GNA14: variants seen among roughly 807,000 people sequenced by gnomAD.
GNA14 encodes guanine nucleotide-binding protein subunit alpha-14.
In GNA14, 50 loss-of-function variants were observed where a neutral mutation model predicts 42.0. The ratio of observed to expected loss-of-function variants is 1.19; its 90% CI spans 0.95 to 1.51. The LOEUF (loss-of-function observed/expected upper bound fraction) is 1.51. Ranked by LOEUF, GNA14 falls within the 40% of genes most tolerant of loss-of-function variation. GNA14 has a pLI of 0.00. For synonymous variants in GNA14, 173 were observed against 163.1 expected, an observed-to-expected ratio of 1.06 and a Z score of -0.46; for missense variants, 473 against 446.2, an observed-to-expected ratio of 1.06 and a Z score of -0.54.
At chr9:77,616,494 C>T (rs1823819742) in intron 1 of GNA14, among the ~76,000 whole-genome samples, 1 of 152,148 alleles carries the variant, frequency 6.6e-6, no homozygotes, top group South Asian at 2.1e-4. Flanking sequence ...GCTCTGATGG[C>T]TAAGTCAGCA....
At chr9:77,521,697 A>T (rs879425930) in intron 2 of GNA14, among the ~76,000 whole-genome samples, 1 of 152,206 alleles carries the variant, frequency 6.6e-6, no homozygotes, top group African/African-American at 2.4e-5. Flanking sequence ...TTGCTTAAAT[A>T]TGAAGTTAGA....
At chr9:77,529,301 A>C (rs1262352644) in intron 1 of GNA14, 48 bp from the exon 2 acceptor site, 1 of 1,438,350 alleles carries the variant, frequency 7.0e-7, no homozygotes, top group Admixed American at 1.7e-5. Context: ...CTTCCAAAGG[A>C]ACACACGAAG....
At chr9:77,537,372 A>G (rs1049215457) in intron 1 of GNA14, among the ~76,000 whole-genome samples, 10 of 151,910 alleles carry the variant, frequency 6.6e-5, no homozygotes, top group African/African-American at 2.4e-4. Flanking sequence ...TAACATAATG[A>G]CCTCCATTTA....
At chr9:77,480,959 C>A (rs1587789030) in intron 2 of GNA14, among the ~76,000 whole-genome samples, 1 of 152,068 alleles carries the variant, frequency 6.6e-6, no homozygotes, top group Admixed American at 6.5e-5. Context: ...ATTAGTCTTG[C>A]TAGTGGTCTA....
At chr9:77,637,948 C>G (rs564472375) in intron 1 of GNA14, among the ~76,000 whole-genome samples, 1 of 152,136 alleles carries the variant, frequency 6.6e-6, no homozygotes, top group African/African-American at 2.4e-5. Context: ...AAAGTTTATT[C>G]TGAAAAAATA....
intron 2 of GNA14, among the ~76,000 whole-genome samples, chr9:77,435,208 T>G (rs905420742): frequency 4.6e-5 from 7 of 151,822 alleles, no homozygotes; most frequent in African/African-American, 1.7e-4. Flanking sequence ...AACACAAAAA[T>G]TAGCTGGGCA....
At chr9:77,567,573 T>C (rs1822986163) in intron 1 of GNA14, among the ~76,000 whole-genome samples, 1 of 152,014 alleles carries the variant, frequency 6.6e-6, no homozygotes, top group African/African-American at 2.4e-5. Flanking sequence ...TTTTCCAGGG[T>C]AAAGATATTC....
chr9:77,522,633 C>T (rs967926600), intron 2 of GNA14, among the ~76,000 whole-genome samples: 6 of 152,156 alleles, frequency 3.9e-5, no homozygotes, highest in Non-Finnish European at 8.8e-5. Flanking sequence ...ATCAGTGGTT[C>T]TCGACCCTGG....
intron 2 of GNA14, among the ~76,000 whole-genome samples, chr9:77,453,547 A>G (rs1835949920): frequency 6.6e-6 from 1 of 152,272 alleles, no homozygotes; most frequent in African/African-American, 2.4e-5. Context: ...ATGCATTAAC[A>G]AAATGCAACA....
intron 1 of GNA14, among the ~76,000 whole-genome samples, chr9:77,560,100 G>A (rs1822853293): frequency 1.3e-5 from 2 of 152,188 alleles, no homozygotes; most frequent in South Asian, 2.1e-4. Context: ...TCAGGTTTGC[G>A]AATTACTGGG....
intron 2 of GNA14, among the ~76,000 whole-genome samples, chr9:77,461,621 G>C (rs1161173558): frequency 1.2e-4 from 19 of 152,030 alleles, no homozygotes. Context: ...ATATCATAAG[G>C]ATCAATTAGG....
chr9:77,456,692 T>A (rs1836005660), intron 2 of GNA14, among the ~76,000 whole-genome samples: 1 of 152,172 alleles, frequency 6.6e-6, no homozygotes, highest in Non-Finnish European at 1.5e-5. Context: ...AAACTAGAGT[T>A]GATAAGACAC....
rs560213501 is a variant in GNA14 at position 77,532,177 on chromosome 9, G to T, written c.125-2924C>A. Among the ~76,000 whole-genome samples the T allele has an allele frequency of 5.9e-5, 9 of 152,244 alleles. No individual in the cohort carries two copies. In the East Asian group the frequency reaches 7.7e-4, roughly 13 times the overall value. ...AGAAAGATTAAATTGGTTGTCCAAG[G>T]TCACTCAGTTTGGAAGTGTCGTGGC... is the stretch of plus-strand genomic sequence containing the variant. On this transcript the variant is annotated intron_variant, in intron 1 of 6. Coordinates refer to ENST00000341700, the MANE Select transcript of GNA14 (RefSeq NM_004297.4).
At chr9:77,576,033 C>A (rs1000280820) in intron 1 of GNA14, among the ~76,000 whole-genome samples, 18 of 152,304 alleles carry the variant, frequency 1.2e-4, no homozygotes, top group Non-Finnish European at 2.4e-4. Flanking sequence ...TTATTAGTAA[C>A]CATGGTGAGC....
chr9:77,578,085 G>A (rs1224245576), intron 1 of GNA14, among the ~76,000 whole-genome samples: 2 of 118,772 alleles, frequency 1.7e-5, no homozygotes, highest in Admixed American at 7.7e-5. Flanking sequence ...AGCCAACATG[G>A]TGAAATGGTG....
intron 1 of GNA14, among the ~76,000 whole-genome samples, chr9:77,601,167 CG>C (rs1454673604): frequency 6.6e-6 from 1 of 151,948 alleles, no homozygotes. Context: ...TTTGCTGAGA[CG>C]TTTTTTTGTT....
chr9:77,493,178 G>A (rs1489365579), intron 2 of GNA14, among the ~76,000 whole-genome samples: 1 of 151,398 alleles, frequency 6.6e-6, no homozygotes, highest in Non-Finnish European at 1.5e-5. Context: ...CTCACCATCA[G>A]GTGAAGGACT....
At chr9:77,638,104 G>T (rs1221510606) in intron 1 of GNA14, among the ~76,000 whole-genome samples, 1 of 152,146 alleles carries the variant, frequency 6.6e-6, no homozygotes, top group African/African-American at 2.4e-5. Context: ...TTTCATATTT[G>T]ATAGTCAACT....
At chr9:77,500,718 T>C (rs1326537635) in intron 2 of GNA14, among the ~76,000 whole-genome samples, 2 of 152,226 alleles carry the variant, frequency 1.3e-5, no homozygotes, top group Non-Finnish European at 2.9e-5. Flanking sequence ...CCTTGTGGGA[T>C]TGGCTTTATT....
Sources: allele counts gnomAD v4.1 joint callset (sites outside exome capture counted in the v4.1 genomes callset), GRCh38; gene constraint gnomAD v4.1.1; transcripts MANE v1.5; gene names NCBI Gene and HGNC (gene_info 2026-07-23, HGNC 2026-07-21).